NDFIP1: variants seen among roughly 807,000 people sequenced by gnomAD.
NDFIP1 encodes NEDD4 family-interacting protein 1.
A neutral mutation model predicts 28.8 loss-of-function variants in NDFIP1; 7 were observed. The observed-to-expected ratio is 0.24, with a 90% confidence interval of 0.14 to 0.46. The LOEUF (loss-of-function observed/expected upper bound fraction) is 0.46. NDFIP1 is among the 20% of genes least tolerant of loss of function. The pLI is 0.99. For synonymous variants in NDFIP1, 92 were observed against 101.0 expected (o/e 0.91, Z 0.53); for missense variants, 194 against 269.1 (o/e 0.72, Z 1.95).
chr5:142,152,064 C>T lies in NDFIP1; in HGVS notation c.*336C>T, dbSNP rs1757452353. 6.5e-6 allele frequency: 1 copy of T among 152,834 alleles called. No homozygotes were observed. The highest frequency in any genetic ancestry group is 2.1e-4 in the South Asian group (1 of 4,820). 9.5% of individuals were successfully genotyped at this position (152,834 alleles called of 1,614,324 possible). ...GTCCCTGTAGTCGGTAGGGGGCAGTCTTGCTTTATTCATCCTCCATCTCAA... is the reference window on the plus strand; with the variant it reads ...GTCCCTGTAGTCGGTAGGGGGCAGTTTTGCTTTATTCATCCTCCATCTCAA... On this transcript the variant is annotated 3_prime_UTR_variant, in exon 8 of 8. Coordinates refer to ENST00000253814, the MANE Select transcript of NDFIP1 (RefSeq NM_030571.4).
At chr5:142,136,847 C>G (rs534443349) in intron 4 of NDFIP1, among the ~76,000 whole-genome samples, 1 of 151,058 alleles carries the variant, frequency 6.6e-6, no homozygotes, top group South Asian at 2.1e-4. Flanking sequence ...GGGCGAATCA[C>G]CTGGGGCTAG....
Position 142,109,057 on chromosome 5 carries a change from A to G in NDFIP1, c.63+20A>G. On this transcript the variant is annotated intron_variant, in intron 1 of 7. Transcript: ENST00000253814. ...CAGCAGGTAAGCGGCGCCCGACTCC[A>G]GCCCCGAACTCCGGTCCCTGGCTCT... 7.2e-7 allele frequency: 1 copy of G among 1,384,496 alleles called. No individual in the cohort carries two copies. Among genetic ancestry groups the G allele is most frequent in the Non-Finnish European group, 9.4e-7 (1 of 1,068,166 alleles). The allele number at this position is 1,384,496 out of a possible 1,614,324, so 85.8% of individuals were successfully genotyped here. A position where few individuals can be genotyped will look rare whatever the true frequency, so the allele number is the denominator to read the frequency against.
At chr5:142,113,102 T>C (rs1189024115) in intron 1 of NDFIP1, among the ~76,000 whole-genome samples, 1 of 152,222 alleles carries the variant, frequency 6.6e-6, no homozygotes, top group Non-Finnish European at 1.5e-5. Context: ...CACTGCCATG[T>C]AGGTTCAAAC....
In NDFIP1 at chr5:142,125,973, T is replaced by C. The variant is rs1462332751; in HGVS notation, c.64-5835T>C. Among the ~76,000 whole-genome samples the C allele has an allele frequency of 1.4e-4, 21 of 152,216 alleles. 1 individual carries two copies. Among genetic ancestry groups the C allele is most frequent in the Admixed American group, 1.4e-3 (21 of 15,282 alleles). On this transcript the variant is annotated intron_variant, in intron 1 of 7. Transcript: ENST00000253814. The stretch of plus-strand genomic sequence containing the variant: ...TGGGTTGCCTTTTTATTGTTTAGTC[T>C]CTCTTATCTTGTCAGAATTATTTAA...
At chr5:142,126,982 TAAG>T (rs936244487) in intron 1 of NDFIP1, among the ~76,000 whole-genome samples, 2 of 86,660 alleles carry the variant, frequency 2.3e-5, no homozygotes, top group Non-Finnish European at 4.5e-5. Context: ...AGGAAGGTGA[TAAG>T]GAGGGAAAAA....
Position 142,140,532 on chromosome 5 carries a change from C to G in NDFIP1, c.496-31C>G, listed in dbSNP as rs1170375818. On this transcript the variant is annotated intron_variant, in intron 5 of 7. Transcript: ENST00000253814. The stretch of plus-strand genomic sequence containing the variant: ...AAAATGAGAAATTGTGTCTGTTAAG[C>G]TGCTATAAAGTGTTTTGCCTTATTT... 1.9e-6 allele frequency: 3 copies of G among 1,545,330 alleles called. No homozygotes were observed. The Admixed American group carries it at 5.3e-5, about 28-fold the overall frequency.
At position 142,146,854 on chromosome 5, in the gene NDFIP1, GTTGTTA is replaced by G. The variant is rs151037259; in HGVS notation, c.*2+2184_*2+2189del. Reference sequence around the variant, plus strand: ...TGTTTGGTGCTTTACTGAAAATTTTGTTGTTATTGTTTGGATTTTCTAAAATTTCTG... The same window carrying G: ...TGTTTGGTGCTTTACTGAAAATTTTGTTGTTTGGATTTTCTAAAATTTCTG... On this transcript the variant is annotated intron_variant, in intron 7 of 7. Coordinates refer to ENST00000253814, the MANE Select transcript of NDFIP1 (RefSeq NM_030571.4). Among the ~76,000 whole-genome samples, 1,186 of 152,158 alleles carry G rather than the reference GTTGTTA, an allele frequency of 7.8e-3. 19 individuals carry two copies. Among genetic ancestry groups the G allele is most frequent in the African/African-American group, 0.027 (1,126 of 41,502 alleles).
intron 3 of NDFIP1, among the ~76,000 whole-genome samples, chr5:142,135,394 A>C (rs1268991340): frequency 2.6e-5 from 4 of 152,114 alleles, no homozygotes; most frequent in Non-Finnish European, 5.9e-5. Context: ...CTTGAGGTAT[A>C]TTTTTTTAAA....
In NDFIP1 at chr5:142,147,267, A is replaced by G. The variant is rs190303844; in HGVS notation, c.*2+2591A>G. On this transcript the variant is annotated intron_variant, in intron 7 of 7. Coordinates refer to ENST00000253814, the MANE Select transcript of NDFIP1 (RefSeq NM_030571.4). ...CAGAGGGAACCTGAAAAGCCATAAT[A>G]TCCTATGGGACTGAGTTCCCTTTGT... 2.0e-3 allele frequency among the ~76,000 whole-genome samples: 300 copies of G among 152,298 alleles called. 1 individual carries two copies. The highest frequency in any genetic ancestry group is 6.8e-3 in the Middle Eastern group (2 of 294).
intron 1 of NDFIP1, among the ~76,000 whole-genome samples, chr5:142,111,736 G>C (rs1388095187): frequency 6.6e-6 from 1 of 152,204 alleles, no homozygotes; most frequent in East Asian, 1.9e-4. Context: ...GTAATATGTG[G>C]ACAACTTGAA....
At chr5:142,149,154 C>G (rs550135732) in intron 7 of NDFIP1, among the ~76,000 whole-genome samples, 1 of 152,236 alleles carries the variant, frequency 6.6e-6, no homozygotes, top group African/African-American at 2.4e-5. Flanking sequence ...TGAGCTGTAC[C>G]TATTAGGCAT....
At chr5:142,113,159 G>A (rs1293820972) in intron 1 of NDFIP1, among the ~76,000 whole-genome samples, 1 of 152,194 alleles carries the variant, frequency 6.6e-6, no homozygotes, top group African/African-American at 2.4e-5. Context: ...ACCTGCTAAA[G>A]AAGTTGCCCA....
intron 1 of NDFIP1, among the ~76,000 whole-genome samples, chr5:142,119,883 C>G (rs11745474): frequency 0.27 from 41,604 of 152,070 alleles, 7,012 homozygotes; most frequent in Non-Finnish European, 0.37. Flanking sequence ...ACAGATAAAA[C>G]CCAAGTCCCT....
At position 142,134,391 on chromosome 5, in the gene NDFIP1, TCTG is replaced by T. The variant is rs1206558415; in HGVS notation, c.283-1335_283-1333del. Among the ~76,000 whole-genome samples the T allele has an allele frequency of 3.9e-5, 6 of 152,352 alleles. 1 individual carries two copies. Among genetic ancestry groups the T allele is most frequent in the African/African-American group, 1.4e-4 (6 of 41,586 alleles). On this transcript the variant is annotated intron_variant, in intron 3 of 7. Coordinates refer to ENST00000253814, the MANE Select transcript of NDFIP1 (RefSeq NM_030571.4). ...GCTTTTAATTTTGGCAAAACCTTAT[TCTG>T]CTGATACGAAGTAAGAATACTAGGT...
chr5:142,150,143 T>G (rs1203551938), intron 7 of NDFIP1, among the ~76,000 whole-genome samples: 3 of 146,604 alleles, frequency 2.0e-5, no homozygotes, highest in Non-Finnish European at 4.5e-5. Flanking sequence ...ATTGTGCCAC[T>G]GCACTCCAGC....
intron 1 of NDFIP1, among the ~76,000 whole-genome samples, chr5:142,120,195 A>G (rs907438672): frequency 2.6e-5 from 4 of 152,146 alleles, no homozygotes; most frequent in Non-Finnish European, 5.9e-5. Context: ...ACCTCAGGCA[A>G]TCTGCCCACC....
intron 1 of NDFIP1, among the ~76,000 whole-genome samples, chr5:142,130,137 A>C (rs1019134538): frequency 4.6e-5 from 7 of 152,082 alleles, no homozygotes; most frequent in Non-Finnish European, 8.8e-5. Context: ...TATATCACTA[A>C]ATATTCTGTT....
At chr5:142,150,416 C>T (rs546198645) in intron 7 of NDFIP1, among the ~76,000 whole-genome samples, 1 of 151,856 alleles carries the variant, frequency 6.6e-6, no homozygotes, top group African/African-American at 2.4e-5. Context: ...GTATCAGTTT[C>T]AGTGGTTTAC....
chr5:142,150,539 ATACT>A (rs1757434739), intron 7 of NDFIP1, among the ~76,000 whole-genome samples: 1 of 152,042 alleles, frequency 6.6e-6, no homozygotes, highest in South Asian at 2.1e-4. Flanking sequence ...AGCCTTTTAA[ATACT>A]TACGCAGTAA....
Sources: gnomAD v4.1 joint callset for allele counts (sites outside exome capture counted in the v4.1 genomes callset) on GRCh38, gnomAD v4.1.1 for gene constraint, MANE v1.5 for transcripts, NCBI Gene and HGNC (gene_info 2026-07-23, HGNC 2026-07-21) for gene names.